PFKFB4: variants seen among roughly 807,000 people sequenced by gnomAD.
PFKFB4 encodes the protein 6-phosphofructo-2-kinase/fructose-2,6-biphosphatase 4.
In PFKFB4, 42 loss-of-function variants were observed where a neutral mutation model predicts 62.8. The observed-to-expected ratio is 0.67, with a 90% CI of 0.52 to 0.86. PFKFB4 has a LOEUF of 0.86. Among genes scored for constraint, PFKFB4 ranks in the 40% least tolerant of loss-of-function variants. The probability of loss-of-function intolerance (pLI) is 0.00; values close to 1 mark genes in which losing one functional copy is unlikely to be tolerated. For missense variants in PFKFB4, 475 were observed against 627.2 expected (o/e 0.76, Z 2.59); for synonymous variants, 204 against 240.7 (o/e 0.85, Z 1.41).
At chr3:48,536,532 G>C in intron 7 of PFKFB4, 69 bp from the exon 8 acceptor site, 2 of 1,273,286 alleles carry the variant, frequency 1.6e-6, no homozygotes, top group Non-Finnish European at 2.3e-6. Flanking sequence ...CATCTGGCTA[G>C]CCACGGAATC....
At chr3:48,522,400 T>A (rs986443454) in intron 12 of PFKFB4, among the ~76,000 whole-genome samples, 1 of 152,124 alleles carries the variant, frequency 6.6e-6, no homozygotes, top group African/African-American at 2.4e-5. Flanking sequence ...CTCTACCATA[T>A]AAGGCCCAGT....
In PFKFB4 at chr3:48,521,906, G is replaced by T; in HGVS notation, c.1350+80C>A. On this transcript the variant is annotated intron_variant, in intron 13 of 13. Transcript: ENST00000232375. This position sits in a 1 kb window ranked among gnomAD's most constrained non-coding sequence, Gnocchi z 5.3. ...TCCCTCTGGCAGGTGCCGCAGCTGG[G>T]CCTGGCCCTGGAGGATGTGCAGTCT... 1 of 1,193,744 alleles carries T rather than the reference G, an allele frequency of 8.4e-7. No homozygotes were observed. The highest frequency in any genetic ancestry group is 1.3e-6 in the Non-Finnish European group (1 of 796,524). 73.9% of individuals were successfully genotyped at this position (1,193,744 alleles called of 1,614,324 possible).
chr3:48,559,448 C>G (rs1413321519), upstream of PFKFB4: 1 of 452,680 alleles, frequency 2.2e-6, no homozygotes, highest in Non-Finnish European at 4.5e-6. Context: ...CAGCTCAACT[C>G]CCAGCCTTCC....
intron 9 of PFKFB4, among the ~76,000 whole-genome samples, chr3:48,528,264 C>T (rs553442658): frequency 5.3e-5 from 8 of 152,020 alleles, no homozygotes; most frequent in South Asian, 4.2e-4. Context: ...TGTGAGATGG[C>T]GAAACAGTGT....
At chr3:48,560,604 T>C (rs2043417446), upstream of PFKFB4, among the ~76,000 whole-genome samples, 1 of 152,130 alleles carries the variant, frequency 6.6e-6, no homozygotes, top group South Asian at 2.1e-4. Context: ...ACAGCAGGTG[T>C]TCAGAGAAGC....
chr3:48,544,122 G>T (rs545438340), intron 3 of PFKFB4, among the ~76,000 whole-genome samples: 1 of 150,712 alleles, frequency 6.6e-6, no homozygotes, highest in Non-Finnish European at 1.5e-5. Context: ...AGCAATTTTC[G>T]TGCCTCAGCC....
chr3:48,556,942 C>T (rs1265463142), upstream of PFKFB4: 1 of 1,397,406 alleles, frequency 7.2e-7, no homozygotes. This position sits in a 1 kb window ranked among gnomAD's most constrained non-coding sequence, Gnocchi z 5.7. Context: ...TCCGCCCCAG[C>T]TGAAAGGGGC....
chr3:48,543,761 T>G, intron 3 of PFKFB4, 115 bp from the exon 4 acceptor site: 1 of 759,874 alleles, frequency 1.3e-6, no homozygotes, highest in Non-Finnish European at 2.3e-6. Context: ...CCGAGGTCTC[T>G]TGCTCTCTTT....
intron 9 of PFKFB4, among the ~76,000 whole-genome samples, chr3:48,531,510 A>G (rs1011539889): frequency 6.7e-6 from 1 of 149,948 alleles, no homozygotes; most frequent in African/African-American, 2.5e-5. Context: ...GCGTGATCTC[A>G]GCTCACCACA....
upstream of PFKFB4, among the ~76,000 whole-genome samples, chr3:48,557,542 CTTT>C (rs375629553): frequency 6.8e-6 from 1 of 147,730 alleles, no homozygotes; most frequent in Non-Finnish European, 1.5e-5. Flanking sequence ...ATGCGTGGGA[CTTT>C]TTTTTTTTGA....
intron 3 of PFKFB4, chr3:48,548,627 A>C (rs2043035372): frequency 6.6e-6 from 1 of 151,744 alleles, no homozygotes; most frequent in African/African-American, 2.4e-5. Flanking sequence ...TTTGTGCGAG[A>C]CTCCTGGCCT....
upstream of PFKFB4, chr3:48,562,913 C>T (rs370633415): frequency 1.8e-5 from 29 of 1,603,758 alleles, no homozygotes; most frequent in Middle Eastern, 1.7e-4. The surrounding 1 kb of genome is among the most constrained non-coding windows in gnomAD (Gnocchi z 4.3). Flanking sequence ...TAGGACAATG[C>T]GCGAGCCAGG....
upstream of PFKFB4, among the ~76,000 whole-genome samples, chr3:48,558,267 C>G (rs1314320502): frequency 6.6e-6 from 1 of 152,190 alleles, no homozygotes; most frequent in Non-Finnish European, 1.5e-5. Context: ...TCCCCAGCCC[C>G]GCCTCTCCAA....
At chr3:48,538,988 C>T (rs1256767025) in intron 6 of PFKFB4, among the ~76,000 whole-genome samples, 2 of 152,044 alleles carry the variant, frequency 1.3e-5, no homozygotes, top group African/African-American at 2.4e-5. Context: ...ATAAAACATG[C>T]CCCTCACCCA....
chr3:48,551,318 C>G (rs1307947076), intron 1 of PFKFB4, among the ~76,000 whole-genome samples: 1 of 150,112 alleles, frequency 6.7e-6, no homozygotes, highest in Admixed American at 6.7e-5. Context: ...CAGGTTCAAG[C>G]GATTCTCCTG....
At chr3:48,562,130 A>G (rs2043440854), upstream of PFKFB4, 1 of 152,812 alleles carries the variant, frequency 6.5e-6, no homozygotes, top group Admixed American at 6.5e-5. This position sits in a 1 kb window ranked among gnomAD's most constrained non-coding sequence, Gnocchi z 4.3. Context: ...ACACACGCAC[A>G]TATGCGCCCA....
At chr3:48,547,028 T>G (rs2042984883) in intron 3 of PFKFB4, among the ~76,000 whole-genome samples, 1 of 152,190 alleles carries the variant, frequency 6.6e-6, no homozygotes, top group Admixed American at 6.5e-5. Flanking sequence ...TTTGCCGTAC[T>G]AAGTCTTAGC....
At chr3:48,536,768 T>G in intron 7 of PFKFB4, 1 of 377,588 alleles carries the variant, frequency 2.6e-6, no homozygotes, top group Non-Finnish European at 4.9e-6. Flanking sequence ...TCTCCGCTGC[T>G]CATGTGTCCC....
intron 5 of PFKFB4, 187 bp from the exon 6 acceptor site, chr3:48,539,497 C>T: frequency 1.4e-6 from 1 of 700,286 alleles, no homozygotes; most frequent in East Asian, 2.7e-5. Context: ...CAGGTGCTGC[C>T]CTCTCCTAGA....
Sources: gnomAD v4.1 joint callset for allele counts (sites outside exome capture counted in the v4.1 genomes callset) on GRCh38, gnomAD v4.1.1 for gene constraint, Gnocchi (gnomAD v3.1) non-coding constraint, MANE v1.5 for transcripts, NCBI Gene and HGNC (gene_info 2026-07-23, HGNC 2026-07-21) for gene names.